SLC16A2: variants seen among roughly 807,000 people sequenced by gnomAD.
The protein encoded by SLC16A2 is monocarboxylate transporter 8.
In SLC16A2, 3 loss-of-function variants were observed where a neutral mutation model predicts 27.2. The ratio of observed to expected loss-of-function variants is 0.11; its 90% CI spans 0.05 to 0.28. SLC16A2 has a LOEUF of 0.28. Among genes scored for constraint, SLC16A2 ranks in the 10% least tolerant of loss-of-function variants. The pLI is 1.00. For synonymous variants in SLC16A2, 202 were observed against 187.8 expected (o/e 1.08, Z -0.62); for missense variants, 295 against 458.5 (o/e 0.64, Z 3.26).
intron 1 of SLC16A2, among the ~76,000 whole-genome samples, chrX:74,485,982 A>G (rs1163592350): frequency 1.8e-5 from 2 of 111,532 alleles, no homozygotes; most frequent in Admixed American, 1.9e-4. Context: ...TAATAGAGTG[A>G]AAACAGAGCT....
At chrX:74,519,639 C>T (rs1157016926) in intron 1 of SLC16A2, among the ~76,000 whole-genome samples, 8 of 96,824 alleles carry the variant, frequency 8.3e-5, no homozygotes, top group Non-Finnish European at 1.6e-4. Context: ...TGGTGTGAAC[C>T]CAGGAGGCGG....
chrX:74,503,184 A>AT (rs747151616), intron 1 of SLC16A2, among the ~76,000 whole-genome samples: 2 of 109,714 alleles, frequency 1.8e-5, no homozygotes, highest in Admixed American at 2.0e-4. Flanking sequence ...AAATTATATG[A>AT]TTTTTTCAAA....
In SLC16A2 at chrX:74,433,008, A is replaced by C. The variant is rs775068314; in HGVS notation, c.430+10941A>C. On this transcript the variant is annotated intron_variant, in intron 1 of 5. Transcript: ENST00000587091. ...TTCAGAGATACTCTGTATATGTACA[A>C]GCAATTGTGTGTGTGCACATGTGTG... Among the ~76,000 whole-genome samples, 65 of 111,873 alleles carry C rather than the reference A, an allele frequency of 5.8e-4. 1 individual carries two copies. The highest frequency in any genetic ancestry group is 1.5e-4 in the Non-Finnish European group (8 of 53,183).
intron 1 of SLC16A2, among the ~76,000 whole-genome samples, chrX:74,469,215 A>G (rs112097987): frequency 3.4e-3 from 378 of 111,837 alleles, no homozygotes; most frequent in Middle Eastern, 4.6e-3. Context: ...TCCTTTATCC[A>G]TTCACCTGTT....
Position 74,473,888 on chromosome X carries a change from G to C in SLC16A2, c.431-47102G>C, listed in dbSNP as rs747034213. The C allele has an allele frequency of 1.3e-4, 60 of 466,090 alleles. No individual in the cohort carries two copies. The Middle Eastern group carries it at 2.5e-3, about 20-fold the overall frequency. 38.4% of individuals were successfully genotyped at this position (466,090 alleles called of 1,213,427 possible). On this transcript the variant is annotated intron_variant, in intron 1 of 5. Transcript: ENST00000587091. Reference sequence around the variant, plus strand: ...TGAGCCATTTTCAGGTTGTTTCAAAGCTCAACCCTTCAATGAAGAGCTTCC... The same window carrying C: ...TGAGCCATTTTCAGGTTGTTTCAAACCTCAACCCTTCAATGAAGAGCTTCC...
intron 1 of SLC16A2, among the ~76,000 whole-genome samples, chrX:74,460,248 G>T (rs910416608): frequency 8.9e-6 from 1 of 111,741 alleles, no homozygotes; most frequent in Non-Finnish European, 1.9e-5. Flanking sequence ...ACATGGCCAA[G>T]ATACTAAGGT....
chrX:74,489,877 G>A (rs1163294222), intron 1 of SLC16A2, among the ~76,000 whole-genome samples: 1 of 109,920 alleles, frequency 9.1e-6, no homozygotes, highest in East Asian at 2.8e-4. Context: ...GGTACCAAGA[G>A]AGAAAGTCTG....
At chrX:74,466,830 G>A (rs902673605) in intron 1 of SLC16A2, among the ~76,000 whole-genome samples, 3 of 112,100 alleles carry the variant, frequency 2.7e-5, no homozygotes, top group Non-Finnish European at 3.8e-5. Context: ...ACCAACCTTG[G>A]TCTAGAAGCC....
intron 1 of SLC16A2, among the ~76,000 whole-genome samples, chrX:74,426,352 T>C (rs1483078958): frequency 8.9e-6 from 1 of 111,920 alleles, no homozygotes; most frequent in Non-Finnish European, 1.9e-5. Context: ...GATCTTGAAC[T>C]ATGACCATGA....
intron 1 of SLC16A2, among the ~76,000 whole-genome samples, chrX:74,478,138 C>G (rs1415888374): frequency 1.8e-5 from 2 of 111,710 alleles, no homozygotes; most frequent in African/African-American, 6.5e-5. Flanking sequence ...CTTTGTAGGT[C>G]TCTAAGGACT....
At chrX:74,435,108 G>C (rs769647226) in intron 1 of SLC16A2, among the ~76,000 whole-genome samples, 1 of 110,118 alleles carries the variant, frequency 9.1e-6, no homozygotes, top group South Asian at 3.9e-4. Context: ...GGAATTACAG[G>C]TGTGAGCCAC....
intron 1 of SLC16A2, among the ~76,000 whole-genome samples, chrX:74,461,056 A>G (rs1455451554): frequency 8.9e-6 from 1 of 112,221 alleles, no homozygotes. Context: ...TGAATATCTC[A>G]GACAAATAAG....
chrX:74,524,912 G>A, intron 3 of SLC16A2, 103 bp downstream of exon 3: 1 of 730,051 alleles, frequency 1.4e-6, no homozygotes, highest in Non-Finnish European at 2.1e-6. Context: ...AAAGGGCAGA[G>A]CTGGGACCTT....
At chrX:74,506,817 T>C (rs769090950) in intron 1 of SLC16A2, among the ~76,000 whole-genome samples, 4 of 111,681 alleles carry the variant, frequency 3.6e-5, no homozygotes, top group Non-Finnish European at 7.5e-5. Context: ...TCGGGGTTTT[T>C]ATCCTGGCTT....
intron 1 of SLC16A2, among the ~76,000 whole-genome samples, chrX:74,504,091 C>T (rs1450250706): frequency 1.8e-5 from 2 of 112,361 alleles, no homozygotes; most frequent in Non-Finnish European, 3.8e-5. Context: ...TGAGGAAGGA[C>T]ATTTGCTGCC....
chrX:74,509,724 C>T lies in SLC16A2; in HGVS notation c.431-11266C>T, dbSNP rs182497144. 1.3e-4 allele frequency among the ~76,000 whole-genome samples: 14 copies of T among 111,063 alleles called. No homozygotes were observed. In the East Asian group the frequency reaches 2.0e-3, roughly 16 times the overall value. ...GACTACAGGCACGTGCCACCACGCC[C>T]GGCTAATTTTTTTGTATTTTTTTAG... On this transcript the variant is annotated intron_variant, in intron 1 of 5. Transcript: ENST00000587091.
At chrX:74,436,986 G>A in intron 1 of SLC16A2, among the ~76,000 whole-genome samples, 1 of 112,410 alleles carries the variant, frequency 8.9e-6, no homozygotes, top group East Asian at 2.8e-4. Context: ...GGATAATCCT[G>A]TACTGGCCAC....
At chrX:74,473,980 T>C (rs994635339) in intron 1 of SLC16A2, 24 of 290,568 alleles carry the variant, frequency 8.3e-5, no homozygotes, top group African/African-American at 5.4e-4. Flanking sequence ...CAGACTTTAA[T>C]GACGCTTCCT....
At chrX:74,448,302 A>ATT (rs144467927) in intron 1 of SLC16A2, among the ~76,000 whole-genome samples, 41 of 64,222 alleles carry the variant, frequency 6.4e-4, no homozygotes, top group Non-Finnish European at 9.3e-4. Flanking sequence ...AATCCTTTGG[A>ATT]TTTTTTTTTT....
Sources: allele counts gnomAD v4.1 joint callset (sites outside exome capture counted in the v4.1 genomes callset), GRCh38; gene constraint gnomAD v4.1.1; transcripts MANE v1.5; gene names NCBI Gene and HGNC (gene_info 2026-07-23, HGNC 2026-07-21).